The following SHISA9 variants were observed in gnomAD, a reference collection of about 807,000 sequenced individuals.
SHISA9 encodes the protein shisa family member 9.
A neutral mutation model predicts 38.0 loss-of-function variants in SHISA9; 13 were observed. The ratio of observed to expected loss-of-function variants is 0.34; its 90% CI spans 0.22 to 0.54. The LOEUF (loss-of-function observed/expected upper bound fraction) is 0.54, where lower values mean the gene tolerates loss of function less well. SHISA9 is among the 20% of genes least tolerant of loss of function. The pLI is 0.91. For missense variants in SHISA9, 538 were observed against 575.8 expected (o/e 0.93, Z 0.67); for synonymous variants, 275 against 242.0 (o/e 1.14, Z -1.27).
At chr16:13,121,316 C>T (rs2050208038) in intron 2 of SHISA9, among the ~76,000 whole-genome samples, 1 of 152,016 alleles carries the variant, frequency 6.6e-6, no homozygotes, top group African/African-American at 2.4e-5. Flanking sequence ...TAGTGATCTC[C>T]CCTCTCTACA....
chr16:13,509,825 G>A, the SHISA9 span, among the ~76,000 whole-genome samples: 1 of 152,104 alleles, frequency 6.6e-6, no homozygotes, highest in Non-Finnish European at 1.5e-5. Flanking sequence ...ATGTGATACT[G>A]TTGTGAGCCA....
chr16:13,406,620 G>A, the SHISA9 span, among the ~76,000 whole-genome samples: 482 of 152,316 alleles, frequency 3.2e-3, 2 homozygotes, highest in African/African-American at 0.01. Flanking sequence ...CCAGAAACAC[G>A]ACCCTGCGGG....
chr16:13,237,728 G>A lies in SHISA9; in HGVS notation c.*2319G>A, dbSNP rs916550260. On this transcript the variant is annotated 3_prime_UTR_variant, in exon 5 of 5. Coordinates refer to ENST00000558583, the MANE Select transcript of SHISA9 (RefSeq NM_001145204.3). ...AATAGGAGATCTCCATGTATAAAAA[G>A]GTACCATGCTGTACAAAGCTGGGGT... The A allele has an allele frequency of 1.3e-5, 2 of 150,556 alleles. No individual in the cohort carries two copies. The highest frequency in any genetic ancestry group is 4.9e-5 in the African/African-American group (2 of 40,972). 9.3% of individuals were successfully genotyped at this position (150,556 alleles called of 1,614,324 possible).
the SHISA9 span, among the ~76,000 whole-genome samples, chr16:13,369,087 A>G: frequency 6.6e-5 from 10 of 152,340 alleles, no homozygotes; most frequent in East Asian, 5.8e-4. Flanking sequence ...TACTTGCTTT[A>G]GATAAATCTT....
chr16:12,945,938 A>G (rs186212370), intron 2 of SHISA9, among the ~76,000 whole-genome samples: 12 of 152,302 alleles, frequency 7.9e-5, no homozygotes, highest in African/African-American at 2.9e-4. Flanking sequence ...ACATGGCGAA[A>G]CCCTACTAAA....
chr16:13,021,907 C>T (rs1186899706), intron 2 of SHISA9, among the ~76,000 whole-genome samples: 2 of 152,196 alleles, frequency 1.3e-5, no homozygotes, highest in Non-Finnish European at 2.9e-5. Flanking sequence ...AATGACCACA[C>T]ACTGCATGGT....
At chr16:13,492,263 T>C in the SHISA9 span, among the ~76,000 whole-genome samples, 1 of 152,138 alleles carries the variant, frequency 6.6e-6, no homozygotes, top group African/African-American at 2.4e-5. Context: ...TGCTGGAGCC[T>C]CTGTGTTCTC....
the SHISA9 span, among the ~76,000 whole-genome samples, chr16:13,501,410 AAGAT>A: frequency 3.3e-5 from 5 of 152,180 alleles, no homozygotes; most frequent in African/African-American, 4.8e-5. Flanking sequence ...GAGTATAAGA[AAGAT>A]AAACTTTATG....
chr16:13,403,989 A>G, the SHISA9 span, among the ~76,000 whole-genome samples: 4 of 152,226 alleles, frequency 2.6e-5, no homozygotes, highest in African/African-American at 9.6e-5. Flanking sequence ...CTCTAAAAAC[A>G]CAAGATATGG....
At chr16:13,438,668 C>T in the SHISA9 span, among the ~76,000 whole-genome samples, 3 of 152,110 alleles carry the variant, frequency 2.0e-5, no homozygotes, top group African/African-American at 4.8e-5. Flanking sequence ...ATAATCATTT[C>T]ATTATGACTA....
At chr16:13,392,406 A>G in the SHISA9 span, among the ~76,000 whole-genome samples, 3 of 152,200 alleles carry the variant, frequency 2.0e-5, no homozygotes, top group Non-Finnish European at 2.9e-5. Flanking sequence ...CCTTAAATAT[A>G]TACATTTAAA....
chr16:13,070,706 G>A (rs1253138003), intron 2 of SHISA9, among the ~76,000 whole-genome samples: 1 of 152,174 alleles, frequency 6.6e-6, no homozygotes. Flanking sequence ...ATAGGCATTC[G>A]CTCATTAGCA....
At chr16:13,380,332 T>G in the SHISA9 span, among the ~76,000 whole-genome samples, 75 of 152,296 alleles carry the variant, frequency 4.9e-4, no homozygotes, top group African/African-American at 1.8e-3. Context: ...CATCATCACA[T>G]TTTAAAAGAA....
intron 2 of SHISA9, among the ~76,000 whole-genome samples, chr16:12,949,717 T>C (rs2071730663): frequency 6.6e-6 from 1 of 152,228 alleles, no homozygotes; most frequent in African/African-American, 2.4e-5. Context: ...TTCACTTATT[T>C]TTTATATTAT....
the SHISA9 span, among the ~76,000 whole-genome samples, chr16:13,513,866 T>C: frequency 6.6e-6 from 1 of 152,032 alleles, no homozygotes; most frequent in Non-Finnish European, 1.5e-5. Context: ...TTAGGACAAA[T>C]ACCTAATGCA....
the SHISA9 span, among the ~76,000 whole-genome samples, chr16:13,394,933 G>GTA: frequency 8.0e-6 from 1 of 125,176 alleles, no homozygotes; most frequent in African/African-American, 3.4e-5. Flanking sequence ...TCTGGGGTGT[G>GTA]TGTGTGTGTG....
intron 2 of SHISA9, among the ~76,000 whole-genome samples, chr16:13,146,659 G>A (rs1416016816): frequency 6.6e-6 from 1 of 152,156 alleles, no homozygotes; most frequent in Non-Finnish European, 1.5e-5. Context: ...CCTTTGAGAT[G>A]GTTTATTATA....
chr16:13,437,687 C>A, the SHISA9 span, among the ~76,000 whole-genome samples: 1 of 152,064 alleles, frequency 6.6e-6, no homozygotes, highest in African/African-American at 2.4e-5. Flanking sequence ...TCTGGGGGCC[C>A]AGAGCATTTC....
At chr16:12,989,535 C>G (rs867872920) in intron 2 of SHISA9, among the ~76,000 whole-genome samples, 4 of 151,994 alleles carry the variant, frequency 2.6e-5, no homozygotes, top group Non-Finnish European at 5.9e-5. Flanking sequence ...TTCTTTTCAG[C>G]CATTGACATG....
Sources: gnomAD v4.1 joint callset for allele counts (sites outside exome capture counted in the v4.1 genomes callset) on GRCh38, gnomAD v4.1.1 for gene constraint, MANE v1.5 for transcripts, NCBI Gene and HGNC (gene_info 2026-07-23, HGNC 2026-07-21) for gene names.